Variants in OPN5 observed in about 807,000 individuals in gnomAD.
OPN5 encodes opsin 5, also known as opsin-5.
A neutral mutation model predicts 41.7 loss-of-function variants in OPN5; 18 were observed. That is an observed-to-expected ratio of 0.43 (90% CI 0.30 to 0.64). The LOEUF (loss-of-function observed/expected upper bound fraction) is 0.64, where lower values mean the gene tolerates loss of function less well. Among genes scored for constraint, OPN5 ranks in the 30% least tolerant of loss-of-function variants. OPN5 has a pLI of 0.13. For missense variants in OPN5, 318 were observed against 434.5 expected, an observed-to-expected ratio of 0.73 and a Z score of 2.38; for synonymous variants, 178 against 164.3, an observed-to-expected ratio of 1.08 and a Z score of -0.64.
intron 6 of OPN5, 167 bp downstream of exon 6, chr6:47,811,898 TG>T (rs2113994092): frequency 4.3e-6 from 2 of 469,212 alleles, no homozygotes; most frequent in East Asian, 6.4e-5. Flanking sequence ...AATGGCTAAA[TG>T]GAAACTAGAT....
intron 4 of OPN5, among the ~76,000 whole-genome samples, chr6:47,798,964 G>A (rs542725404): frequency 1.3e-3 from 204 of 152,048 alleles, no homozygotes; most frequent in Non-Finnish European, 2.2e-4. Context: ...TTTACCTTAC[G>A]GGATTCTGAG....
intron 4 of OPN5, among the ~76,000 whole-genome samples, chr6:47,796,099 G>A (rs914448016): frequency 1.3e-5 from 2 of 152,080 alleles, no homozygotes; most frequent in African/African-American, 2.4e-5. Flanking sequence ...CTTGGTAAAC[G>A]GTAGTTTCAG....
intron 2 of OPN5, among the ~76,000 whole-genome samples, chr6:47,788,771 TCTTA>T (rs1773271295): frequency 7.1e-6 from 1 of 140,238 alleles, no homozygotes; most frequent in African/African-American, 2.6e-5. Context: ...TAGGATAACC[TCTTA>T]GGATAAAGTC....
At chr6:47,796,651 A>G (rs879465604) in intron 4 of OPN5, among the ~76,000 whole-genome samples, 2 of 152,136 alleles carry the variant, frequency 1.3e-5, no homozygotes, top group Non-Finnish European at 2.9e-5. Context: ...GAGTATTCTC[A>G]TGTTCACTTT....
At chr6:47,785,132 TG>T (rs1445334206) in intron 1 of OPN5, among the ~76,000 whole-genome samples, 1 of 152,220 alleles carries the variant, frequency 6.6e-6, no homozygotes, top group Non-Finnish European at 1.5e-5. Context: ...GGTGTTTCAA[TG>T]AGCCTTGTGT....
At chr6:47,791,172 A>G (rs947486650) in intron 2 of OPN5, among the ~76,000 whole-genome samples, 1 of 152,188 alleles carries the variant, frequency 6.6e-6, no homozygotes, top group East Asian at 1.9e-4. Context: ...GGTCCCAGGA[A>G]TGTAAGTATG....
At chr6:47,799,651 G>C (rs1241307673) in intron 4 of OPN5, among the ~76,000 whole-genome samples, 1 of 152,144 alleles carries the variant, frequency 6.6e-6, no homozygotes, top group Non-Finnish European at 1.5e-5. Context: ...TCTTGGCTGG[G>C]GCCCTGGGAA....
At chr6:47,802,599 T>C (rs902042221) in intron 4 of OPN5, among the ~76,000 whole-genome samples, 1 of 152,204 alleles carries the variant, frequency 6.6e-6, no homozygotes. Flanking sequence ...TCTCTGGCAA[T>C]GGCTATTGTT....
chr6:47,790,958 C>T (rs1360633407), intron 2 of OPN5, among the ~76,000 whole-genome samples: 1 of 152,158 alleles, frequency 6.6e-6, no homozygotes, highest in Admixed American at 6.5e-5. Context: ...AACCAAATTC[C>T]CCTTTTCATT....
At chr6:47,817,425 T>A (rs1762463116) in intron 6 of OPN5, among the ~76,000 whole-genome samples, 1 of 152,128 alleles carries the variant, frequency 6.6e-6, no homozygotes, top group Middle Eastern at 3.2e-3. Context: ...GTATTTAAAG[T>A]AGAAAATATT....
exon 7 of OPN5, chr6:47,824,000 C>T (rs1246708223): frequency 1.9e-6 from 3 of 1,549,242 alleles, no homozygotes; most frequent in Non-Finnish European, 2.6e-6. Context: ...AACAAATGTT[C>T]TGGTTGTGAA....
chr6:47,786,667 T>C, intron 2 of OPN5, 33 bp downstream of exon 2: 1 of 1,601,226 alleles, frequency 6.2e-7, no homozygotes, highest in Non-Finnish European at 8.6e-7. Flanking sequence ...TCTTTGTGGG[T>C]TTAAACTACT....
At chr6:47,807,941 T>A (rs564463386) in intron 4 of OPN5, among the ~76,000 whole-genome samples, 74 of 150,652 alleles carry the variant, frequency 4.9e-4, no homozygotes, top group Admixed American at 1.1e-3. Context: ...CTAGATAGGA[T>A]GTGGTAAATG....
chr6:47,808,505 G>T, intron 5 of OPN5, 110 bp downstream of exon 5: 1 of 1,178,882 alleles, frequency 8.5e-7, no homozygotes, highest in South Asian at 1.5e-5. Context: ...CATCGCCTAG[G>T]AGTAGTGTAG....
intron 5 of OPN5, among the ~76,000 whole-genome samples, 189 bp from the exon 6 acceptor site, chr6:47,811,485 C>T (rs956126619): frequency 1.3e-5 from 2 of 152,030 alleles, no homozygotes; most frequent in African/African-American, 4.8e-5. Flanking sequence ...GAAAACTCTG[C>T]CCAAATAATT....
At chr6:47,818,769 G>T (rs1166367861) in intron 6 of OPN5, among the ~76,000 whole-genome samples, 2 of 152,188 alleles carry the variant, frequency 1.3e-5, no homozygotes, top group Admixed American at 6.5e-5. Flanking sequence ...AGTCAGGTCA[G>T]CTGGGAGCTG....
At chr6:47,818,460 G>A (rs1762497500) in intron 6 of OPN5, among the ~76,000 whole-genome samples, 1 of 152,188 alleles carries the variant, frequency 6.6e-6, no homozygotes, top group Non-Finnish European at 1.5e-5. Flanking sequence ...TCTAAATATA[G>A]GACTGGGCCT....
chr6:47,815,640 C>T (rs1187485698), intron 6 of OPN5, among the ~76,000 whole-genome samples: 1 of 152,092 alleles, frequency 6.6e-6, no homozygotes, highest in African/African-American at 2.4e-5. Flanking sequence ...AAAGGGTTGA[C>T]CATTCTGTTA....
intron 6 of OPN5, among the ~76,000 whole-genome samples, chr6:47,820,694 T>C (rs892469375): frequency 1.3e-5 from 2 of 152,114 alleles, no homozygotes; most frequent in Non-Finnish European, 2.9e-5. Context: ...GTTTCCTATA[T>C]AGGAAGCTAG....
Sources: allele counts gnomAD v4.1 joint callset (sites outside exome capture counted in the v4.1 genomes callset), GRCh38; gene constraint gnomAD v4.1.1; transcripts MANE v1.5; gene names NCBI Gene and HGNC (gene_info 2026-07-23, HGNC 2026-07-21).